The following ABCA9 variants were observed in gnomAD, a reference collection of about 807,000 sequenced individuals.
ABCA9 encodes the protein ATP binding cassette subfamily A member 9.
In ABCA9, 183 loss-of-function variants were observed where a neutral mutation model predicts 205.3. The observed-to-expected ratio is 0.89, with a 90% CI of 0.79 to 1.01. The LOEUF is 1.01. Among genes scored for constraint, ABCA9 ranks in the 50% least tolerant of loss-of-function variants. ABCA9 has a pLI of 0.00. For missense variants in ABCA9, 1,805 were observed against 1,912.4 expected (o/e 0.94, Z 1.05); for synonymous variants, 651 against 683.3 (o/e 0.95, Z 0.74).
chr17:68,982,646 G>A lies in ABCA9; in HGVS notation c.4641-5C>T, dbSNP rs578232903. 2.6e-5 allele frequency: 42 copies of A among 1,612,758 alleles called. No individual in the cohort carries two copies. The highest frequency in any genetic ancestry group is 2.7e-5 in the African/African-American group (2 of 75,000). On this transcript the variant is annotated splice_region_variant and splice_polypyrimidine_tract_variant and intron_variant, in intron 36 of 38. Transcript: ENST00000340001. Reference sequence around the variant, plus strand: ...TAGACCATCAGGGAGGAGAACCTGCGAAGAGAAGACAGTGAGGCTGAACTC... The same window carrying A: ...TAGACCATCAGGGAGGAGAACCTGCAAAGAGAAGACAGTGAGGCTGAACTC...
intron 8 of ABCA9, 29 bp downstream of exon 8, chr17:69,035,217 A>ACATT: frequency 6.7e-7 from 1 of 1,481,966 alleles, no homozygotes; most frequent in South Asian, 1.5e-5. Context: ...ACGGTTTGTA[A>ACATT]AAAGTGAAAG....
intron 25 of ABCA9, among the ~76,000 whole-genome samples, chr17:69,004,336 C>T (rs1440546818): frequency 6.6e-6 from 1 of 152,154 alleles, no homozygotes; most frequent in Non-Finnish European, 1.5e-5. Context: ...TTCCTTCTAA[C>T]GGACAGGACC....
rs185658644 is a variant in ABCA9 at position 69,011,553 on chromosome 17, C to G, written c.3147+423G>C. Among the ~76,000 whole-genome samples, 319 of 152,134 alleles carry G rather than the reference C, an allele frequency of 2.1e-3. 2 individuals carry two copies. The highest frequency in any genetic ancestry group is 7.5e-3 in the African/African-American group (313 of 41,516). On this transcript the variant is annotated intron_variant, in intron 23 of 38. Transcript: ENST00000340001. ...TCGAATTTTATTTTTTAAAAACTCA[C>G]AAAAATGGAGCTTTAAATGGACAAT...
In ABCA9 at chr17:68,990,941, TG is replaced by T; in HGVS notation, c.3732del (p.Ser1244ArgfsTer23). On this transcript the variant is annotated frameshift_variant, in exon 29 of 39. Coordinates refer to ENST00000340001, the MANE Select transcript of ABCA9 (RefSeq NM_080283.4). LOFTEE classifies it high-confidence loss of function. ...TCTTCTGGGTTTGGAAAAATAGCGT[TG>T]CTTCTTGGAGAAATTCTGAAATCAA... Reference protein sequence around the residue: ...KDPVFRISPRSNAIFPNPEEP... With the variant: ...KDPVFRISPRXNAIFPNPEEP... 3.7e-6 allele frequency: 6 copies of T among 1,610,580 alleles called. No individual in the cohort carries two copies. Among genetic ancestry groups the T allele is most frequent in the Non-Finnish European group, 5.1e-6 (6 of 1,179,178 alleles).
chr17:69,075,711 T>C, the ABCA9 span, among the ~76,000 whole-genome samples: 1 of 152,062 alleles, frequency 6.6e-6, no homozygotes, highest in Non-Finnish European at 1.5e-5. Flanking sequence ...TTATGGTTGT[T>C]TCGGCCATTC....
At chr17:68,976,739 G>T (rs1012340432) in intron 37 of ABCA9, among the ~76,000 whole-genome samples, 1 of 152,166 alleles carries the variant, frequency 6.6e-6, no homozygotes, top group African/African-American at 2.4e-5. Flanking sequence ...ACCTAAGAAT[G>T]GTAACACTTC....
chr17:69,050,942 G>A lies in ABCA9; in HGVS notation c.96+89C>T, dbSNP rs1169680890. 6.5e-6 allele frequency: 8 copies of A among 1,227,080 alleles called. No individual in the cohort carries two copies. In the South Asian group the frequency reaches 7.9e-5, roughly 12 times the overall value. The allele number at this position is 1,227,080 out of a possible 1,614,324, so 76.0% of individuals were successfully genotyped here. A position where few individuals can be genotyped will look rare whatever the true frequency, so the allele number is the denominator to read the frequency against. On this transcript the variant is annotated intron_variant, in intron 2 of 38. Coordinates refer to ENST00000340001, the MANE Select transcript of ABCA9 (RefSeq NM_080283.4). ...TAATTAGACTACACATATGTGCAAT[G>A]TTAAATAATGAAAATAAAGTGTTTA...
At chr17:69,077,156 C>A in the ABCA9 span, among the ~76,000 whole-genome samples, 1 of 152,110 alleles carries the variant, frequency 6.6e-6, no homozygotes, top group African/African-American at 2.4e-5. Context: ...GTGCTATAAA[C>A]TTCCCTCTTA....
At chr17:69,057,575 G>A (rs148416689) in intron 1 of ABCA9, among the ~76,000 whole-genome samples, 3 of 152,298 alleles carry the variant, frequency 2.0e-5, no homozygotes, top group African/African-American at 7.2e-5. Flanking sequence ...AACAAACAAA[G>A]AATTCAGGAT....
chr17:69,031,923 A>G (rs918764165), intron 10 of ABCA9, among the ~76,000 whole-genome samples, 185 bp downstream of exon 10: 34 of 152,320 alleles, frequency 2.2e-4, no homozygotes, highest in Admixed American at 5.9e-4. Flanking sequence ...AGTAAATGTA[A>G]GTGCTGAGAA....
chr17:69,075,461 T>C, the ABCA9 span, among the ~76,000 whole-genome samples: 3 of 152,196 alleles, frequency 2.0e-5, no homozygotes, highest in African/African-American at 7.2e-5. Context: ...ATTCTGCATA[T>C]TGCTAGCTAA....
rs2070874408 is a variant in ABCA9, at chr17:69,023,038, T to G, written c.2281+1176A>C. Among the ~76,000 whole-genome samples the G allele has an allele frequency of 6.6e-6, 1 of 152,250 alleles. No homozygotes were observed. On this transcript the variant is annotated intron_variant, in intron 17 of 38. Transcript: ENST00000340001. The surrounding 1 kb of genome is among the most constrained non-coding windows in gnomAD (Gnocchi z 4.2). Reference sequence around the variant, plus strand: ...AGATTTCTGTTTTTATAAGGATACATATCTCAAAGATATTGTGTATGCACT... The same window carrying G: ...AGATTTCTGTTTTTATAAGGATACAGATCTCAAAGATATTGTGTATGCACT...
chr17:69,017,522 G>T, intron 21 of ABCA9, 134 bp downstream of exon 21: 2 of 947,844 alleles, frequency 2.1e-6, no homozygotes, highest in Non-Finnish European at 3.1e-6. Context: ...TTGTAGTCCA[G>T]CTTCTTCTAT....
chr17:69,012,380 C>T, intron 22 of ABCA9: 1 of 252,278 alleles, frequency 4.0e-6, no homozygotes. Context: ...TTTTCTCTGA[C>T]TTTATGGTTA....
At chr17:69,047,731 CATGCCT>C (rs1567972005) in intron 3 of ABCA9, among the ~76,000 whole-genome samples, 1 of 152,202 alleles carries the variant, frequency 6.6e-6, no homozygotes, top group Non-Finnish European at 1.5e-5. Context: ...GGTCACAAGA[CATGCCT>C]AAGTTGCAAA....
At chr17:68,985,254 T>A in intron 32 of ABCA9, 126 bp from the exon 33 acceptor site, 1 of 1,168,076 alleles carries the variant, frequency 8.6e-7, no homozygotes, top group Non-Finnish European at 1.2e-6. Context: ...TCATAAAATT[T>A]AAACCACCTA....
chr17:68,975,884 G>T lies in ABCA9; in HGVS notation c.*31C>A. 6.7e-7 allele frequency: 1 copy of T among 1,495,792 alleles called. No homozygotes were observed. Among genetic ancestry groups the T allele is most frequent in the Non-Finnish European group, 9.3e-7 (1 of 1,079,946 alleles). The allele number at this position is 1,495,792 out of a possible 1,614,324, so 92.7% of individuals were successfully genotyped here. A position where few individuals can be genotyped will look rare whatever the true frequency, so the allele number is the denominator to read the frequency against. On this transcript the variant is annotated 3_prime_UTR_variant, in exon 39 of 39. Coordinates refer to ENST00000340001, the MANE Select transcript of ABCA9 (RefSeq NM_080283.4). ...AATATTATCTTTAAAAGAGTCACAGGATTAAAGAAAGATATAGGGTATTTG... is the reference window on the plus strand; with the variant it reads ...AATATTATCTTTAAAAGAGTCACAGTATTAAAGAAAGATATAGGGTATTTG...
chr17:69,050,680 T>C (rs1567974112), intron 2 of ABCA9, among the ~76,000 whole-genome samples: 1 of 152,184 alleles, frequency 6.6e-6, no homozygotes, highest in African/African-American at 2.4e-5. Flanking sequence ...CTTTTTTACT[T>C]TGTCCCTGAA....
At position 69,023,042 on chromosome 17, in the gene ABCA9, T is replaced by C. The variant is rs901255242; in HGVS notation, c.2281+1172A>G. Among the ~76,000 whole-genome samples the C allele has an allele frequency of 2.0e-5, 3 of 152,240 alleles. No homozygotes were observed. Among genetic ancestry groups the C allele is most frequent in the Non-Finnish European group, 4.4e-5 (3 of 68,040 alleles). ...TTCTGTTTTTATAAGGATACATATC[T>C]CAAAGATATTGTGTATGCACTGTGA... On this transcript the variant is annotated intron_variant, in intron 17 of 38. Transcript: ENST00000340001. This position sits in a 1 kb window ranked among gnomAD's most constrained non-coding sequence, Gnocchi z 4.2.
Sources: gnomAD v4.1 joint callset for allele counts (sites outside exome capture counted in the v4.1 genomes callset) on GRCh38, gnomAD v4.1.1 for gene constraint, Gnocchi (gnomAD v3.1) non-coding constraint, MANE v1.5 for transcripts, NCBI Gene and HGNC (gene_info 2026-07-23, HGNC 2026-07-21) for gene names.